Variants in HECTD2 observed in about 807,000 individuals in gnomAD.
HECTD2 encodes the protein probable E3 ubiquitin-protein ligase HECTD2.
Under a neutral mutation model 103.2 loss-of-function variants are expected in HECTD2, and 35 were observed. The ratio of observed to expected loss-of-function variants is 0.34; its 90% CI spans 0.26 to 0.45. The LOEUF is 0.45. HECTD2 is among the 20% of genes least tolerant of loss of function. The probability of loss-of-function intolerance (pLI) is 1.00; values close to 1 mark genes in which losing one functional copy is unlikely to be tolerated. For missense variants in HECTD2, 596 were observed against 937.4 expected (o/e 0.64, Z 4.76); for synonymous variants, 281 against 329.9 (o/e 0.85, Z 1.61).
In HECTD2 at chr10:91,509,291, A is replaced by T. The variant is rs575642779; in HGVS notation, c.2211-2973A>T. On this transcript the variant is annotated intron_variant, in intron 20 of 20. Transcript: ENST00000298068. ...AAGTATAATTAAAAAAAATAAATTT[A>T]AAAAAAAAATCAAAAAATAGCAGAT... is the stretch of plus-strand genomic sequence containing the variant. Among the ~76,000 whole-genome samples, 118 of 149,922 alleles carry T rather than the reference A, an allele frequency of 7.9e-4. 3 individuals carry two copies. The highest frequency in any genetic ancestry group is 2.9e-3 in the East Asian group (15 of 5,144).
chr10:91,432,111 G>A (rs963396542), intron 2 of HECTD2, among the ~76,000 whole-genome samples: 1 of 151,924 alleles, frequency 6.6e-6, no homozygotes, highest in African/African-American at 2.4e-5. Flanking sequence ...TTCTTTTATT[G>A]AATAGAAAGT....
Position 91,422,143 on chromosome 10 carries a change from A to C in HECTD2, c.139-3138A>C, listed in dbSNP as rs118071562. ...TAGAAGTCCTCAATGATTTTTCTCT[A>C]TCTCTGTTCAGGATAGAATCTATAC... On this transcript the variant is annotated intron_variant, in intron 1 of 20. Coordinates refer to ENST00000298068, the MANE Select transcript of HECTD2 (RefSeq NM_182765.6). 4.1e-4 allele frequency among the ~76,000 whole-genome samples: 62 copies of C among 152,132 alleles called. No homozygotes were observed. The East Asian group carries it at 9.5e-3, about 23-fold the overall frequency.
chr10:91,458,909 T>G (rs1253230205), intron 2 of HECTD2, among the ~76,000 whole-genome samples: 1 of 151,990 alleles, frequency 6.6e-6, no homozygotes, highest in Non-Finnish European at 1.5e-5. Context: ...AGTTTTGCTC[T>G]GAGAAAGACC....
chr10:91,510,100 C>A (rs1227649283), intron 20 of HECTD2, among the ~76,000 whole-genome samples: 1 of 152,114 alleles, frequency 6.6e-6, no homozygotes, highest in East Asian at 1.9e-4. Context: ...ATTTTAAATT[C>A]ATAGATAGGA....
chr10:91,509,287 AT>A (rs1464961515), intron 20 of HECTD2, among the ~76,000 whole-genome samples: 1 of 151,996 alleles, frequency 6.6e-6, no homozygotes, highest in Non-Finnish European at 1.5e-5. Context: ...AAAAAAATAA[AT>A]TTAAAAAAAA....
At chr10:91,450,730 C>T (rs1564712881) in intron 2 of HECTD2, among the ~76,000 whole-genome samples, 1 of 151,390 alleles carries the variant, frequency 6.6e-6, no homozygotes, top group African/African-American at 2.4e-5. Context: ...AGACACTTCC[C>T]AAAAGAAGAC....
intron 2 of HECTD2, among the ~76,000 whole-genome samples, chr10:91,450,691 C>A (rs7895635): frequency 0.067 from 10,001 of 149,786 alleles, 880 homozygotes; most frequent in African/African-American, 0.2. Context: ...AAAAAAAAAA[C>A]CATCAAAAAG....
intron 1 of HECTD2, among the ~76,000 whole-genome samples, chr10:91,420,566 C>T (rs182933089): frequency 0.012 from 1,695 of 147,242 alleles, 36 homozygotes; most frequent in African/African-American, 0.04. Context: ...CCAGCCTGGG[C>T]GACAGAGCAA....
chr10:91,432,793 G>A (rs1756088454), intron 2 of HECTD2, among the ~76,000 whole-genome samples: 1 of 151,900 alleles, frequency 6.6e-6, no homozygotes, highest in South Asian at 2.1e-4. Context: ...ACCTTGATAT[G>A]ACATAATGAA....
intron 8 of HECTD2, 32 bp downstream of exon 8, chr10:91,483,108 T>C (rs766702675): frequency 1.1e-6 from 1 of 952,200 alleles, no homozygotes; most frequent in South Asian, 1.4e-5. Flanking sequence ...AGAACTTTTA[T>C]AGTCTCACAG....
intron 20 of HECTD2, among the ~76,000 whole-genome samples, chr10:91,507,436 A>T (rs1847234150): frequency 6.6e-6 from 1 of 152,218 alleles, no homozygotes. Context: ...GTCTCAGGAT[A>T]CAAAATCAGT....
intron 2 of HECTD2, among the ~76,000 whole-genome samples, chr10:91,435,082 A>G (rs1021827902): frequency 6.6e-6 from 1 of 151,944 alleles, no homozygotes; most frequent in African/African-American, 2.4e-5. Context: ...GAAGACTATA[A>G]TCAACATTTT....
At chr10:91,433,474 A>G (rs1338546721) in intron 2 of HECTD2, among the ~76,000 whole-genome samples, 1 of 152,010 alleles carries the variant, frequency 6.6e-6, no homozygotes, top group Non-Finnish European at 1.5e-5. Flanking sequence ...TATTCTAGAT[A>G]TCTTTCTGTA....
At position 91,474,231 on chromosome 10, in the gene HECTD2, G is replaced by A. The variant is rs537188614; in HGVS notation, c.601-3970G>A. ...ATGGGAAAAAGAAGCATTAAAAAGT[G>A]AGTTGAATGAAAACAAAAAATAAGA... On this transcript the variant is annotated intron_variant, in intron 5 of 20. Transcript: ENST00000298068. Among the ~76,000 whole-genome samples, 12 of 152,220 alleles carry A rather than the reference G, an allele frequency of 7.9e-5. No individual in the cohort carries two copies. In the South Asian group the frequency reaches 2.5e-3, roughly 32 times the overall value.
intron 14 of HECTD2, among the ~76,000 whole-genome samples, chr10:91,494,481 G>C (rs928886894): frequency 9.2e-5 from 14 of 152,004 alleles, no homozygotes; most frequent in African/African-American, 3.1e-4. Context: ...ATCAGAAAAT[G>C]AATGAAGAGC....
chr10:91,431,455 G>T (rs1035706078), intron 2 of HECTD2, among the ~76,000 whole-genome samples: 6 of 152,200 alleles, frequency 3.9e-5, no homozygotes, highest in African/African-American at 1.4e-4. Flanking sequence ...AGTTCTCCTG[G>T]ATAATATCCT....
intron 1 of HECTD2, 112 bp downstream of exon 1, chr10:91,410,688 C>G: frequency 4.9e-6 from 5 of 1,013,380 alleles, no homozygotes; most frequent in Non-Finnish European, 6.5e-6. Flanking sequence ...CGCCCTGGCA[C>G]TCCAGGGAGA....
At chr10:91,454,110 T>C (rs1286562340) in intron 2 of HECTD2, among the ~76,000 whole-genome samples, 1 of 152,070 alleles carries the variant, frequency 6.6e-6, no homozygotes, top group African/African-American at 2.4e-5. Flanking sequence ...TGTAAGTGTA[T>C]ATTTGATGGA....
intron 2 of HECTD2, among the ~76,000 whole-genome samples, chr10:91,449,306 C>T (rs1167708954): frequency 6.6e-6 from 1 of 152,078 alleles, no homozygotes; most frequent in Non-Finnish European, 1.5e-5. Context: ...ACTTAATTAC[C>T]TCAATAGATG....
Sources: allele counts gnomAD v4.1 joint callset (sites outside exome capture counted in the v4.1 genomes callset), GRCh38; gene constraint gnomAD v4.1.1; transcripts MANE v1.5; gene names NCBI Gene and HGNC (gene_info 2026-07-23, HGNC 2026-07-21).